ZNF560: variants seen among roughly 807,000 people sequenced by gnomAD.
The protein encoded by ZNF560 is zinc finger protein 560.
A neutral mutation model predicts 81.8 loss-of-function variants in ZNF560; 54 were observed. That is an observed-to-expected ratio of 0.66 (90% CI 0.53 to 0.83). The LOEUF is 0.83. Ranked by LOEUF, ZNF560 falls within the 40% of genes least tolerant of loss-of-function variation. The pLI is 0.00. For synonymous variants in ZNF560, 321 were observed against 317.9 expected, an observed-to-expected ratio of 1.01 and a Z score of -0.10; for missense variants, 940 against 932.4, an observed-to-expected ratio of 1.01 and a Z score of -0.11.
chr19:9,488,043 T>C (rs773222482), intron 2 of ZNF560, among the ~76,000 whole-genome samples: 2 of 152,060 alleles, frequency 1.3e-5, no homozygotes, highest in South Asian at 2.1e-4. Context: ...CCTAATGAGA[T>C]GTTTGGGTCA....
At chr19:9,463,736 C>T (rs190313563), downstream of ZNF560, among the ~76,000 whole-genome samples, 1 of 152,300 alleles carries the variant, frequency 6.6e-6, no homozygotes, top group East Asian at 1.9e-4. Context: ...AGGTTGGAGT[C>T]CAATGGCACG....
At chr19:9,505,641 A>G in the ZNF560 span, among the ~76,000 whole-genome samples, 1 of 152,050 alleles carries the variant, frequency 6.6e-6, no homozygotes, top group African/African-American at 2.4e-5. Context: ...TGATTTTTAG[A>G]GTGAATCATT....
At position 9,468,005 on chromosome 19, in the gene ZNF560, C is replaced by CT. The variant is rs748421387; in HGVS notation, c.941dup (p.Ser315GlufsTer7). The CT allele has an allele frequency of 1.2e-6, 2 of 1,614,018 alleles. No individual in the cohort carries two copies. The highest frequency in any genetic ancestry group is 3.3e-5 in the Admixed American group (2 of 59,992). The stretch of plus-strand genomic sequence containing the variant: ...TCCATTCATTGAGTTTTTCTCCACT[C>CT]TGAGTTTTCCTGTGTGCTTCAAGGT... On this transcript the variant is annotated frameshift_variant, in exon 10 of 10. Coordinates refer to ENST00000301480, the MANE Select transcript of ZNF560 (RefSeq NM_152476.3). LOFTEE classifies it high-confidence loss of function.
chr19:9,487,202 T>C (rs983815037), intron 2 of ZNF560, among the ~76,000 whole-genome samples: 2 of 152,224 alleles, frequency 1.3e-5, no homozygotes, highest in Admixed American at 6.5e-5. Context: ...CATTGTTCCA[T>C]CTGCGAGGAC....
intron 2 of ZNF560, among the ~76,000 whole-genome samples, chr19:9,483,307 C>T (rs1213350075): frequency 4.0e-5 from 6 of 151,624 alleles, no homozygotes; most frequent in Admixed American, 1.3e-4. Flanking sequence ...CGCCTCTGCC[C>T]GGCCGCGACC....
At chr19:9,453,745 A>G in the ZNF560 span, among the ~76,000 whole-genome samples, 2 of 152,238 alleles carry the variant, frequency 1.3e-5, no homozygotes, top group Non-Finnish European at 2.9e-5. Context: ...ATAAAATCCC[A>G]TAACAATGGC....
At chr19:9,455,616 G>A in the ZNF560 span, among the ~76,000 whole-genome samples, 1 of 152,196 alleles carries the variant, frequency 6.6e-6, no homozygotes, top group Admixed American at 6.5e-5. Flanking sequence ...AGAACCCTAT[G>A]CAGATTTTAT....
chr19:9,504,975 C>T, the ZNF560 span, among the ~76,000 whole-genome samples: 2 of 152,176 alleles, frequency 1.3e-5, no homozygotes, highest in Admixed American at 6.5e-5. Context: ...GTCCCAGCTA[C>T]TCAGGAGGCT....
chr19:9,489,963 A>G (rs2073445670), intron 2 of ZNF560, among the ~76,000 whole-genome samples: 1 of 152,214 alleles, frequency 6.6e-6, no homozygotes. Flanking sequence ...TGAATTTTAC[A>G]TATTAGCTAA....
At chr19:9,474,823 AT>A (rs35450965) in intron 3 of ZNF560, among the ~76,000 whole-genome samples, 7,204 of 85,862 alleles carry the variant, frequency 0.084, 104 homozygotes, top group South Asian at 0.18. Flanking sequence ...CATGCCTGGC[AT>A]TTTTTTTTTT....
At chr19:9,504,105 G>T in the ZNF560 span, among the ~76,000 whole-genome samples, 1 of 152,080 alleles carries the variant, frequency 6.6e-6, no homozygotes. Flanking sequence ...GTTGTGTTCT[G>T]ACAGGTACTT....
chr19:9,495,314 T>C (rs1056365199), intron 2 of ZNF560, among the ~76,000 whole-genome samples: 5 of 152,266 alleles, frequency 3.3e-5, no homozygotes, highest in African/African-American at 1.2e-4. Flanking sequence ...ACTGAATAAA[T>C]AGGATATTTA....
upstream of ZNF560, among the ~76,000 whole-genome samples, chr19:9,501,998 C>CA (rs760975697): frequency 4.0e-5 from 6 of 151,470 alleles, no homozygotes; most frequent in East Asian, 2.0e-4. Context: ...ACTAAAAATA[C>CA]AAAAAATTGG....
the ZNF560 span, among the ~76,000 whole-genome samples, chr19:9,446,904 G>A: frequency 6.6e-6 from 1 of 152,088 alleles, no homozygotes; most frequent in Non-Finnish European, 1.5e-5. Context: ...GGAGGCCGAG[G>A]TGGGCAGATC....
chr19:9,465,197 C>A (rs548454505), downstream of ZNF560, among the ~76,000 whole-genome samples: 1 of 140,134 alleles, frequency 7.1e-6, no homozygotes, highest in South Asian at 2.2e-4. Flanking sequence ...GTGGCATGAT[C>A]TTGGCTAACT....
chr19:9,469,701 A>T lies in ZNF560; in HGVS notation c.458T>A (p.Leu153His). The T allele has an allele frequency of 6.2e-7, 1 of 1,614,180 alleles. No homozygotes were observed. Among genetic ancestry groups the T allele is most frequent in the Non-Finnish European group, 8.5e-7 (1 of 1,180,014 alleles). Residue 153 changes from leucine to histidine, a missense_variant, in exon 8 of 10, where the codon CTC becomes CAC. Physicochemically the swap from Leu to His is moderately conservative, Grantham distance 99. Transcript: ENST00000301480. Reference sequence around the variant, plus strand: ...CCAAGAGATCAGACTGGGTTTGAAGAGCTGGTAACCTGTACACAGGGAAAG... The same window carrying T: ...CCAAGAGATCAGACTGGGTTTGAAGTGCTGGTAACCTGTACACAGGGAAAG... ...YKNLSSVGYQ[L>H]FKPSLISWLE...
At chr19:9,499,361 CATT>C (rs1273666146), upstream of ZNF560, among the ~76,000 whole-genome samples, 3 of 151,804 alleles carry the variant, frequency 2.0e-5, no homozygotes, top group African/African-American at 4.8e-5. Flanking sequence ...TTATTATCAT[CATT>C]ATTATTATTT....
intron 2 of ZNF560, among the ~76,000 whole-genome samples, chr19:9,491,450 G>A (rs1446349757): frequency 1.3e-5 from 2 of 151,962 alleles, no homozygotes; most frequent in African/African-American, 4.8e-5. Context: ...GGGTTCAGTT[G>A]TCTAGACCAT....
chr19:9,474,853 G>T (rs2073176516), intron 3 of ZNF560, among the ~76,000 whole-genome samples: 1 of 122,530 alleles, frequency 8.2e-6, no homozygotes, highest in South Asian at 2.8e-4. Flanking sequence ...TTTTTGTGGA[G>T]ACAATGTCTC....
Sources: gnomAD v4.1 joint callset for allele counts (sites outside exome capture counted in the v4.1 genomes callset) on GRCh38, gnomAD v4.1.1 for gene constraint, MANE v1.5 for transcripts, NCBI Gene and HGNC (gene_info 2026-07-23, HGNC 2026-07-21) for gene names.